UFSP2: variants seen among roughly 807,000 people sequenced by gnomAD.
UFSP2 encodes UFM1 specific peptidase 2.
A neutral mutation model predicts 60.2 loss-of-function variants in UFSP2; 43 were observed. The ratio of observed to expected loss-of-function variants is 0.71; its 90% CI spans 0.56 to 0.92. The LOEUF (loss-of-function observed/expected upper bound fraction) is 0.92, where lower values mean the gene tolerates loss of function less well. Among genes scored for constraint, UFSP2 ranks in the 40% least tolerant of loss-of-function variants. The pLI, the probability that UFSP2 is intolerant of heterozygous loss-of-function variation, is 0.00. For missense variants in UFSP2, 520 were observed against 575.0 expected (o/e 0.90, Z 0.98); for synonymous variants, 183 against 195.1 (o/e 0.94, Z 0.52).
At position 185,410,762 on chromosome 4, in the gene UFSP2, C is replaced by T. The variant is rs186327403; in HGVS notation, c.832-2327G>A. Among the ~76,000 whole-genome samples, 90 of 151,874 alleles carry T rather than the reference C, an allele frequency of 5.9e-4. 1 individual carries two copies. Among genetic ancestry groups the T allele is most frequent in the Admixed American group, 1.6e-3 (25 of 15,244 alleles). On this transcript the variant is annotated intron_variant, in intron 7 of 11. Transcript: ENST00000264689. ...GAGTTTGAGACCAGCCTGGCCAATA[C>T]GGTGAAACCCCATCTCTACTAAAAA...
At chr4:185,402,770 C>T (rs1039400910) in intron 11 of UFSP2, among the ~76,000 whole-genome samples, 1 of 152,222 alleles carries the variant, frequency 6.6e-6, no homozygotes, top group Admixed American at 6.5e-5. Flanking sequence ...GCCACCACGC[C>T]TGGCTTAAAA....
At chr4:185,413,615 A>G (rs2095533356) in intron 7 of UFSP2, 111 bp downstream of exon 7, 2 of 1,057,762 alleles carry the variant, frequency 1.9e-6, no homozygotes, top group Non-Finnish European at 2.7e-6. Context: ...GTGATAAATC[A>G]TGTTTTAGGA....
Position 185,400,473 on chromosome 4 carries a change from C to T in UFSP2, c.1329G>A (p.Trp443Ter). Residue 443 changes from tryptophan (W) to a stop codon, truncating the protein, a stop_gained, in exon 12 of 12, where the codon TGG becomes TGA. Transcript: ENST00000264689. LOFTEE classifies it high-confidence loss of function. ...EDLQVILEKG[W>*]CGWKGPDFWN... ...AAAAATCTGGGCCCTTCCATCCGCACCAGCCCTGGATAGAGAAGACGGGAA... is the reference window on the plus strand; with the variant it reads ...AAAAATCTGGGCCCTTCCATCCGCATCAGCCCTGGATAGAGAAGACGGGAA... The T allele has an allele frequency of 6.2e-7, 1 of 1,613,176 alleles. No homozygotes were observed. Among genetic ancestry groups the T allele is most frequent in the Non-Finnish European group, 8.5e-7 (1 of 1,179,318 alleles).
At chr4:185,425,285 T>C (rs906115224) in intron 1 of UFSP2, among the ~76,000 whole-genome samples, 2 of 152,008 alleles carry the variant, frequency 1.3e-5, no homozygotes, top group Non-Finnish European at 2.9e-5. Flanking sequence ...GAAGTGGAAA[T>C]GCTCAGTTTG....
intron 7 of UFSP2, among the ~76,000 whole-genome samples, chr4:185,409,649 G>GT (rs1185991030): frequency 6.6e-6 from 1 of 152,172 alleles, no homozygotes; most frequent in Admixed American, 6.5e-5. Context: ...CTCCCAAAAG[G>GT]TATGTATGTC....
At chr4:185,404,636 G>A (rs2095518022) in intron 10 of UFSP2, among the ~76,000 whole-genome samples, 1 of 151,680 alleles carries the variant, frequency 6.6e-6, no homozygotes, top group Non-Finnish European at 1.5e-5. Context: ...TACCCAGGCT[G>A]GAGTACAGTG....
intron 2 of UFSP2, among the ~76,000 whole-genome samples, chr4:185,420,820 G>A (rs979613680): frequency 6.6e-6 from 1 of 152,112 alleles, no homozygotes; most frequent in African/African-American, 2.4e-5. Flanking sequence ...TAAAGGAGAA[G>A]GAATACAATC....
chr4:185,400,518 T>C, intron 11 of UFSP2, 40 bp from the exon 12 acceptor site: 1 of 1,480,676 alleles, frequency 6.8e-7, no homozygotes, highest in South Asian at 1.2e-5. Context: ...TTTTACAAAG[T>C]TACAAGATTA....
rs141985898 is a variant in UFSP2 at position 185,425,746 on chromosome 4, G to A, written c.3+120C>T. 116 of 1,438,594 alleles carry A rather than the reference G, an allele frequency of 8.1e-5. 1 individual carries two copies. In the African/African-American group the frequency reaches 1.4e-3, roughly 17 times the overall value. The allele number at this position is 1,438,594 out of a possible 1,614,324, so 89.1% of individuals were successfully genotyped here. On this transcript the variant is annotated intron_variant, in intron 1 of 11. Transcript: ENST00000264689. ...GAGAGCCGCCCTGCCCACGCAGCTC[G>A]CAGCTGCCATCTTGGACCCCGGCAG...
intron 5 of UFSP2, 23 bp from the exon 6 acceptor site, chr4:185,415,370 G>A (rs899861067): frequency 5.2e-6 from 8 of 1,529,966 alleles, no homozygotes; most frequent in African/African-American, 1.4e-5. Context: ...ATATATAAGT[G>A]TATTAACAAA....
intron 7 of UFSP2, among the ~76,000 whole-genome samples, chr4:185,408,709 G>A (rs999489488): frequency 4.0e-5 from 6 of 151,808 alleles, no homozygotes; most frequent in African/African-American, 1.5e-4. Context: ...CTCTACTTTC[G>A]GTTCCCATAT....
chr4:185,420,502 AAAAT>A (rs916746048), intron 2 of UFSP2, among the ~76,000 whole-genome samples: 10 of 152,168 alleles, frequency 6.6e-5, no homozygotes, highest in Non-Finnish European at 1.2e-4. Flanking sequence ...GAGTATTTAA[AAAAT>A]AAATAAATAA....
intron 9 of UFSP2, chr4:185,406,161 G>A: frequency 5.4e-6 from 2 of 373,072 alleles, no homozygotes; most frequent in Non-Finnish European, 1.0e-5. Context: ...CATCACCTTG[G>A]TGCTCAGGGA....
At chr4:185,412,371 C>T (rs750831036) in intron 7 of UFSP2, among the ~76,000 whole-genome samples, 41 of 152,176 alleles carry the variant, frequency 2.7e-4, no homozygotes, top group Non-Finnish European at 3.8e-4. Flanking sequence ...CCTGAGTACA[C>T]TCTAATGACC....
chr4:185,420,673 T>C (rs770850605), intron 2 of UFSP2, among the ~76,000 whole-genome samples: 14 of 152,304 alleles, frequency 9.2e-5, no homozygotes, highest in Non-Finnish European at 1.9e-4. Context: ...ATTCTTAAAT[T>C]AGCTTCTGTT....
chr4:185,409,263 CAAAAAATAAA>C (rs1354876410), intron 7 of UFSP2, among the ~76,000 whole-genome samples: 4 of 152,092 alleles, frequency 2.6e-5, no homozygotes, highest in African/African-American at 9.6e-5. Context: ...AGTTAAGGGT[CAAAAAATAAA>C]GATAAATAAA....
chr4:185,415,420 A>G, intron 5 of UFSP2, 73 bp from the exon 6 acceptor site: 1 of 1,287,706 alleles, frequency 7.8e-7, no homozygotes, highest in Non-Finnish European at 1.0e-6. Context: ...CAGAGCTAAT[A>G]TATCCTTAGT....
At chr4:185,419,064 C>A (rs993574859) in intron 2 of UFSP2, among the ~76,000 whole-genome samples, 9 of 152,112 alleles carry the variant, frequency 5.9e-5, no homozygotes, top group African/African-American at 2.2e-4. Flanking sequence ...AAACCCTGTA[C>A]CTACCAGCAG....
At position 185,400,434 on chromosome 4, in the gene UFSP2, T is replaced by C. The variant is rs2095511944; in HGVS notation, c.1368A>G (p.Ala456=). ...GCTGAGGAAGACATAAGTTATAGTA[T>C]GCATCCTTGTTCCAAAAATCTGGGC... ...WKGPDFWNKD[A]YYNLCLPQRP... Residue 456 remains alanine (A), a synonymous_variant, in exon 12 of 12, where the codon GCA becomes GCG. Coordinates refer to ENST00000264689, the MANE Select transcript of UFSP2 (RefSeq NM_018359.5). 1 of 1,614,066 alleles carries C rather than the reference T, an allele frequency of 6.2e-7. No homozygotes were observed. The highest frequency in any genetic ancestry group is 8.5e-7 in the Non-Finnish European group (1 of 1,179,952).
Sources: gnomAD v4.1 joint callset for allele counts (sites outside exome capture counted in the v4.1 genomes callset) on GRCh38, gnomAD v4.1.1 for gene constraint, MANE v1.5 for transcripts, NCBI Gene and HGNC (gene_info 2026-07-23, HGNC 2026-07-21) for gene names.